AIG1: variants seen among roughly 807,000 people sequenced by gnomAD.
AIG1 encodes androgen-induced gene 1 protein.
AIG1 carries 23 observed loss-of-function variants against 31.4 expected under a neutral mutation model. The ratio of observed to expected loss-of-function variants is 0.73; its 90% CI spans 0.53 to 1.04. AIG1 has a LOEUF of 1.04. Ranked by LOEUF, AIG1 falls within the 50% of genes least tolerant of loss-of-function variation. The pLI is 0.00. For missense variants in AIG1, 274 were observed against 295.0 expected (o/e 0.93, Z 0.52); for synonymous variants, 100 against 110.5 (o/e 0.90, Z 0.60).
Position 143,268,838 on chromosome 6 carries a change from C to T in AIG1, c.400-15272C>T, listed in dbSNP as rs72996157. Among the ~76,000 whole-genome samples, 246 of 152,228 alleles carry T rather than the reference C, an allele frequency of 1.6e-3. 2 individuals are homozygous for T. Among genetic ancestry groups the T allele is most frequent in the Non-Finnish European group, 2.4e-3 (166 of 67,994 alleles). On this transcript the variant is annotated intron_variant, in intron 3 of 5. Coordinates refer to ENST00000357847, the MANE Select transcript of AIG1 (RefSeq NM_016108.4). The surrounding 1 kb of genome is among the most constrained non-coding windows in gnomAD (Gnocchi z 5.0). ...TTACTTCCCCAGCAGGTGGGAGTGCCGTCAGTTTCAGCCCTCTGCTCTAAG... is the reference window on the plus strand; with the variant it reads ...TTACTTCCCCAGCAGGTGGGAGTGCTGTCAGTTTCAGCCCTCTGCTCTAAG...
chr6:143,130,368 G>A (rs1408704684), intron 1 of AIG1, among the ~76,000 whole-genome samples: 1 of 152,000 alleles, frequency 6.6e-6, no homozygotes, highest in African/African-American at 2.4e-5. Context: ...GCTCAAAAGA[G>A]AAAAAAGTGT....
chr6:143,167,796 T>G (rs1224382603), intron 3 of AIG1, among the ~76,000 whole-genome samples: 1 of 152,164 alleles, frequency 6.6e-6, no homozygotes, highest in Non-Finnish European at 1.5e-5. Context: ...TGAGAGATAA[T>G]ATGAGTTCAA....
chr6:143,335,205 C>T lies in AIG1; in HGVS notation c.679+1760C>T, dbSNP rs1777382543. On this transcript the variant is annotated intron_variant, in intron 5 of 5. Coordinates refer to ENST00000357847, the MANE Select transcript of AIG1 (RefSeq NM_016108.4). ...CTATCAAGTTCTGTTAGGCCTACAT[C>T]GTGGAATTTTTGTTTTTGAATCAGT... is the stretch of plus-strand genomic sequence containing the variant. 18 of 1,203,440 alleles carry T rather than the reference C, an allele frequency of 1.5e-5. No individual in the cohort carries two copies. The East Asian group carries it at 3.7e-4, about 25-fold the overall frequency. The allele number at this position is 1,203,440 out of a possible 1,614,324, so 74.5% of individuals were successfully genotyped here. A position where few individuals can be genotyped will look rare whatever the true frequency, so the allele number is the denominator to read the frequency against.
rs1420690223 is a variant in AIG1, at chr6:143,279,773, C to G, written c.400-4337C>G. On this transcript the variant is annotated intron_variant, in intron 3 of 5. Transcript: ENST00000357847. The surrounding 1 kb of genome is among the most constrained non-coding windows in gnomAD (Gnocchi z 5.4). Reference sequence around the variant, plus strand: ...AGATTTAGGCTTCGTTTTTTGGACACAATCTTCCAAATGATAGCTCCTCAT... The same window carrying G: ...AGATTTAGGCTTCGTTTTTTGGACAGAATCTTCCAAATGATAGCTCCTCAT... Among the ~76,000 whole-genome samples, 5 of 152,118 alleles carry G rather than the reference C, an allele frequency of 3.3e-5. No homozygotes were observed. Among genetic ancestry groups the G allele is most frequent in the Non-Finnish European group, 7.4e-5 (5 of 68,018 alleles).
intron 4 of AIG1, among the ~76,000 whole-genome samples, chr6:143,295,468 C>T (rs141529595): frequency 6.6e-6 from 1 of 152,316 alleles, no homozygotes; most frequent in Non-Finnish European, 1.5e-5. Flanking sequence ...CCTCTGGCCT[C>T]ATCATATTCC....
intron 1 of AIG1, among the ~76,000 whole-genome samples, chr6:143,075,279 C>G (rs1266658041): frequency 2.0e-5 from 3 of 151,848 alleles, no homozygotes; most frequent in African/African-American, 7.3e-5. Context: ...TTATTGTTCT[C>G]AATTTCATTG....
intron 2 of AIG1, 199 bp from the exon 3 acceptor site, chr6:143,164,881 CAG>C (rs1786772877): frequency 1.3e-5 from 6 of 455,096 alleles, no homozygotes; most frequent in African/African-American, 4.0e-5. Flanking sequence ...ATTCGGAGAT[CAG>C]AGAGAGAGGA....
intron 1 of AIG1, among the ~76,000 whole-genome samples, chr6:143,079,050 T>C (rs2128466977): frequency 6.6e-6 from 1 of 152,064 alleles, no homozygotes; most frequent in South Asian, 2.1e-4. Context: ...GTTCACACAA[T>C]TGGTGACGCC....
chr6:143,091,361 T>C (rs909484116), intron 1 of AIG1, among the ~76,000 whole-genome samples: 2 of 152,214 alleles, frequency 1.3e-5, no homozygotes, highest in African/African-American at 4.8e-5. Context: ...TTTAGCTATG[T>C]ATAGAATGGC....
rs1777374347 is a variant in AIG1 at position 143,072,421 on chromosome 6, C to T, written c.141+11355C>T. On this transcript the variant is annotated intron_variant, in intron 1 of 5. Transcript: ENST00000357847. The stretch of plus-strand genomic sequence containing the variant: ...TTTCAATATGGATAGCTTTTATTTC[C>T]TTTTTATGGTTTATTGCCTTGGTTA... 5.3e-5 allele frequency among the ~76,000 whole-genome samples: 8 copies of T among 151,808 alleles called. No homozygotes were observed. The South Asian group carries it at 1.7e-3, about 32-fold the overall frequency.
At chr6:143,119,454 C>T (rs1782055138) in intron 1 of AIG1, among the ~76,000 whole-genome samples, 2 of 152,196 alleles carry the variant, frequency 1.3e-5, no homozygotes, top group South Asian at 4.1e-4. Context: ...CAAAAGTGCA[C>T]AGGCAGGCAG....
chr6:143,098,771 G>A (rs1290422664), intron 1 of AIG1, among the ~76,000 whole-genome samples: 2 of 152,070 alleles, frequency 1.3e-5, no homozygotes, highest in Non-Finnish European at 2.9e-5. Context: ...GTACAACTCC[G>A]GGGTATGTTG....
chr6:143,134,313 A>C (rs929909729), intron 1 of AIG1, among the ~76,000 whole-genome samples: 34 of 150,670 alleles, frequency 2.3e-4, no homozygotes, highest in African/African-American at 8.1e-4. Context: ...TTCATGTATT[A>C]CTTCATATCC....
chr6:143,116,595 GTGGCAGGAGAGGCCTATT>G (rs1171929194), intron 1 of AIG1, among the ~76,000 whole-genome samples: 1 of 151,312 alleles, frequency 6.6e-6, no homozygotes, highest in African/African-American at 2.4e-5. Flanking sequence ...TTTACAGAGA[GTGGCAGGAGAGGCCTATT>G]TTGCCAAATC....
intron 3 of AIG1, among the ~76,000 whole-genome samples, chr6:143,194,072 C>T (rs1405651443): frequency 2.0e-5 from 3 of 152,170 alleles, no homozygotes; most frequent in Admixed American, 6.5e-5. Context: ...ATGATTCTTC[C>T]TGCTTATCCC....
chr6:143,253,624 G>T (rs1399764839), intron 3 of AIG1, among the ~76,000 whole-genome samples: 2 of 152,160 alleles, frequency 1.3e-5, no homozygotes, highest in Non-Finnish European at 2.9e-5. Context: ...GGTCACCAAG[G>T]ATGCATTTAC....
intron 4 of AIG1, among the ~76,000 whole-genome samples, chr6:143,296,655 A>G (rs1357052984): frequency 6.6e-6 from 1 of 152,218 alleles, no homozygotes; most frequent in Non-Finnish European, 1.5e-5. Context: ...ATGAAGAGTT[A>G]TCTGTGCCAG....
rs73777902 is a variant in AIG1, at chr6:143,176,574, C to T, written c.399+11391C>T. Among the ~76,000 whole-genome samples the T allele has an allele frequency of 3.2e-3, 485 of 151,206 alleles. 1 individual carries two copies. The highest frequency in any genetic ancestry group is 0.011 in the African/African-American group (468 of 41,074). On this transcript the variant is annotated intron_variant, in intron 3 of 5. Transcript: ENST00000357847. ...TTCCCAGGCCAAGGGGGTTATGTTC[C>T]CGGGGGGGTTATAGCTGTCTCTGCT...
intron 3 of AIG1, among the ~76,000 whole-genome samples, chr6:143,265,932 C>G (rs1796121563): frequency 6.6e-6 from 1 of 152,230 alleles, no homozygotes; most frequent in Non-Finnish European, 1.5e-5. Context: ...TCCTCAATCT[C>G]TAGCCCCTAC....
Sources: gnomAD v4.1 joint callset for allele counts (sites outside exome capture counted in the v4.1 genomes callset) on GRCh38, gnomAD v4.1.1 for gene constraint, Gnocchi (gnomAD v3.1) non-coding constraint, MANE v1.5 for transcripts, NCBI Gene and HGNC (gene_info 2026-07-23, HGNC 2026-07-21) for gene names.